Variants in SLC26A7 observed in about 807,000 individuals in gnomAD.
SLC26A7 encodes solute carrier family 26 member 7.
Under a neutral mutation model 82.5 loss-of-function variants are expected in SLC26A7, and 59 were observed. The observed-to-expected ratio is 0.72, with a 90% CI of 0.58 to 0.89. The LOEUF (loss-of-function observed/expected upper bound fraction) is 0.89. Among genes scored for constraint, SLC26A7 ranks in the 40% least tolerant of loss-of-function variants. SLC26A7 has a pLI of 0.00. For missense variants in SLC26A7, 820 were observed against 793.0 expected (o/e 1.03, Z -0.41); for synonymous variants, 271 against 274.3 (o/e 0.99, Z 0.12).
chr8:91,391,289 A>G (rs1814961583), intron 16 of SLC26A7, among the ~76,000 whole-genome samples: 1 of 152,186 alleles, frequency 6.6e-6, no homozygotes, highest in Admixed American at 6.5e-5. Flanking sequence ...TGTGGGGGAC[A>G]TCATCTCACT....
chr8:91,392,798 C>G (rs536256119), intron 16 of SLC26A7, among the ~76,000 whole-genome samples: 5 of 152,232 alleles, frequency 3.3e-5, no homozygotes, highest in African/African-American at 1.2e-4. Flanking sequence ...ATCAACAAAC[C>G]ACCCATAGCA....
chr8:91,393,221 T>C (rs1563717153), intron 16 of SLC26A7, among the ~76,000 whole-genome samples: 1 of 152,104 alleles, frequency 6.6e-6, no homozygotes, highest in Non-Finnish European at 1.5e-5. Context: ...ATAAGTTGTT[T>C]CTGCTTGAGA....
chr8:91,213,519 G>A (rs1026522260), intron 1 of SLC26A7, among the ~76,000 whole-genome samples: 5 of 152,144 alleles, frequency 3.3e-5, no homozygotes, highest in African/African-American at 1.2e-4. Flanking sequence ...TTTAAGCAGG[G>A]AACTGAATGC....
intron 15 of SLC26A7, among the ~76,000 whole-genome samples, chr8:91,377,705 T>TGGTCTGCA (rs1814555442): frequency 6.6e-6 from 1 of 152,196 alleles, no homozygotes; most frequent in Admixed American, 6.5e-5. Context: ...AAGAGTTTGG[T>TGGTCTGCA]GGTCTGCAGA....
chr8:91,210,317 C>A (rs923759781), intron 1 of SLC26A7, among the ~76,000 whole-genome samples: 1 of 152,050 alleles, frequency 6.6e-6, no homozygotes, highest in African/African-American at 2.4e-5. Flanking sequence ...TCTCTTTTTT[C>A]CTGCACTAGA....
At chr8:91,352,785 G>A (rs575866418) in intron 10 of SLC26A7, 116 bp from the exon 11 acceptor site, 21 of 699,364 alleles carry the variant, frequency 3.0e-5, no homozygotes, top group Non-Finnish European at 1.4e-5. Flanking sequence ...TCTAATCGGT[G>A]ATTGCTTTTC....
intron 11 of SLC26A7, among the ~76,000 whole-genome samples, chr8:91,353,439 CA>C (rs1563694673): frequency 6.6e-6 from 1 of 152,130 alleles, no homozygotes; most frequent in East Asian, 1.9e-4. Flanking sequence ...ATTCTAAATA[CA>C]AAAGGTCTCA....
chr8:91,239,222 T>C (rs1027020327), intron 2 of SLC26A7, among the ~76,000 whole-genome samples: 1 of 151,538 alleles, frequency 6.6e-6, no homozygotes, highest in Non-Finnish European at 1.5e-5. Flanking sequence ...TACAAAAAAT[T>C]AGCCGGGCAT....
Position 91,395,123 on chromosome 8 carries a change from T to C in SLC26A7, c.*26T>C. ...GACCCTTTTGTCACAGTACAGCTCTTGTCTTTACCAACTGCCTGAAGAGGC... is the reference window on the plus strand; with the variant it reads ...GACCCTTTTGTCACAGTACAGCTCTCGTCTTTACCAACTGCCTGAAGAGGC... On this transcript the variant is annotated 3_prime_UTR_variant, in exon 19 of 19. Coordinates refer to ENST00000276609, the MANE Select transcript of SLC26A7 (RefSeq NM_052832.4). The C allele has an allele frequency of 1.9e-6, 3 of 1,612,688 alleles. No homozygotes were observed. The highest frequency in any genetic ancestry group is 2.5e-6 in the Non-Finnish European group (3 of 1,179,156).
At chr8:91,272,616 G>A (rs1048499034) in intron 2 of SLC26A7, among the ~76,000 whole-genome samples, 3 of 152,132 alleles carry the variant, frequency 2.0e-5, no homozygotes, top group East Asian at 1.9e-4. Context: ...AAGGAAAAAC[G>A]TATGCAGTGA....
intron 4 of SLC26A7, among the ~76,000 whole-genome samples, chr8:91,307,705 C>T (rs62527448): frequency 8.8e-5 from 12 of 136,506 alleles, no homozygotes; most frequent in Admixed American, 3.6e-4. Context: ...TGCTAGATGA[C>T]GAGTTAGTGG....
intron 2 of SLC26A7, among the ~76,000 whole-genome samples, chr8:91,221,848 G>A (rs1015518361): frequency 6.6e-6 from 1 of 151,884 alleles, no homozygotes; most frequent in Non-Finnish European, 1.5e-5. Flanking sequence ...TGTCTTGGCT[G>A]TACAGGGTCT....
In SLC26A7 at chr8:91,364,758, C is replaced by T. The variant is rs146232443; in HGVS notation, c.1488+1220C>T. Reference sequence around the variant, plus strand: ...AACTTCTTCTTGGGCTAAACATGTACAGAAGTGAATGAGGGGATTTGTAGG... The same window carrying T: ...AACTTCTTCTTGGGCTAAACATGTATAGAAGTGAATGAGGGGATTTGTAGG... On this transcript the variant is annotated intron_variant, in intron 13 of 18. Transcript: ENST00000276609. 3.7e-4 allele frequency among the ~76,000 whole-genome samples: 57 copies of T among 152,200 alleles called. 1 individual carries two copies. Among genetic ancestry groups the T allele is most frequent in the Middle Eastern group, 6.8e-3 (2 of 294 alleles).
intron 2 of SLC26A7, among the ~76,000 whole-genome samples, chr8:91,286,037 G>T (rs1005164802): frequency 6.6e-6 from 1 of 152,170 alleles, no homozygotes; most frequent in African/African-American, 2.4e-5. Context: ...GTGATAAATA[G>T]TTCACTTTCT....
chr8:91,334,164 CTA>C lies in SLC26A7; in HGVS notation c.643-127_643-126del, dbSNP rs1813174084. The C allele has an allele frequency of 5.0e-6, 4 of 807,512 alleles. No individual in the cohort carries two copies. The East Asian group carries it at 1.1e-4, about 22-fold the overall frequency. The allele number at this position is 807,512 out of a possible 1,614,324, so 50.0% of individuals were successfully genotyped here. A position where few individuals can be genotyped will look rare whatever the true frequency, so the allele number is the denominator to read the frequency against. ...GCATTAGCACTGACTACCCGCCTAC[CTA>C]TATCTTTCCTCTCCCTAGCCATTAA... On this transcript the variant is annotated intron_variant, in intron 5 of 18. Transcript: ENST00000276609.
chr8:91,293,638 T>C (rs1275672150), intron 3 of SLC26A7, among the ~76,000 whole-genome samples: 1 of 152,218 alleles, frequency 6.6e-6, no homozygotes. Context: ...CAAAGCCTTT[T>C]AGATGGCTTT....
At chr8:91,355,421 T>G (rs1005476198) in intron 11 of SLC26A7, among the ~76,000 whole-genome samples, 6 of 152,138 alleles carry the variant, frequency 3.9e-5, no homozygotes, top group Non-Finnish European at 7.4e-5. Context: ...TACTTTGTTC[T>G]TCTTCATATC....
intron 15 of SLC26A7, among the ~76,000 whole-genome samples, chr8:91,389,134 T>C (rs1362915341): frequency 1.3e-5 from 2 of 152,226 alleles, no homozygotes; most frequent in Non-Finnish European, 2.9e-5. Context: ...AGTCATGTCA[T>C]AATCACCTGA....
At chr8:91,310,340 C>T (rs1446930141) in intron 4 of SLC26A7, among the ~76,000 whole-genome samples, 1 of 152,036 alleles carries the variant, frequency 6.6e-6, no homozygotes, top group African/African-American at 2.4e-5. Flanking sequence ...GGGTTGGCTC[C>T]ATTGGTTGGT....
Sources: gnomAD v4.1 joint callset for allele counts (sites outside exome capture counted in the v4.1 genomes callset) on GRCh38, gnomAD v4.1.1 for gene constraint, MANE v1.5 for transcripts, NCBI Gene and HGNC (gene_info 2026-07-23, HGNC 2026-07-21) for gene names.